Variants in NTN1 observed in about 807,000 individuals in gnomAD.
NTN1 encodes the protein netrin-1.
Under a neutral mutation model 54.2 loss-of-function variants are expected in NTN1, and 11 were observed. The ratio of observed to expected loss-of-function variants is 0.20; its 90% CI spans 0.13 to 0.34. The LOEUF is 0.34. NTN1 is among the 10% of genes least tolerant of loss of function. NTN1 has a pLI of 1.00. For synonymous variants in NTN1, 371 were observed against 382.0 expected (o/e 0.97, Z 0.33); for missense variants, 740 against 893.1 (o/e 0.83, Z 2.18).
intron 2 of NTN1, among the ~76,000 whole-genome samples, chr17:9,125,772 T>C (rs1251076577): frequency 1.3e-5 from 2 of 152,192 alleles, no homozygotes; most frequent in African/African-American, 4.8e-5. Flanking sequence ...TGCCCGGCTC[T>C]TTCATCTTTT....
At chr17:9,156,476 G>C (rs2092342601) in intron 2 of NTN1, among the ~76,000 whole-genome samples, 1 of 152,154 alleles carries the variant, frequency 6.6e-6, no homozygotes, top group Non-Finnish European at 1.5e-5. Context: ...CAGAGTCCCT[G>C]AGAGACATGG....
upstream of NTN1, among the ~76,000 whole-genome samples, chr17:9,017,723 T>A (rs1027350724): frequency 2.0e-5 from 3 of 152,226 alleles, no homozygotes; most frequent in African/African-American, 7.2e-5. Flanking sequence ...GTTTGCTCTG[T>A]GGATCCCGCT....
the NTN1 span, among the ~76,000 whole-genome samples, chr17:9,003,219 T>C: frequency 6.6e-6 from 1 of 151,806 alleles, no homozygotes; most frequent in Non-Finnish European, 1.5e-5. This position sits in a 1 kb window ranked among gnomAD's most constrained non-coding sequence, Gnocchi z 7.4. Context: ...CGGGAAGCTC[T>C]GGCTGGGGCT....
intron 2 of NTN1, among the ~76,000 whole-genome samples, chr17:9,040,417 A>C (rs2091917769): frequency 6.6e-6 from 1 of 152,206 alleles, no homozygotes; most frequent in African/African-American, 2.4e-5. Flanking sequence ...AGTGGGTATT[A>C]CAATGTATAG....
intron 2 of NTN1, among the ~76,000 whole-genome samples, chr17:9,035,746 G>A (rs910757547): frequency 6.6e-6 from 1 of 152,152 alleles, no homozygotes; most frequent in African/African-American, 2.4e-5. Context: ...AGAGGGTTGG[G>A]CATGGTGGAT....
intron 2 of NTN1, among the ~76,000 whole-genome samples, chr17:9,024,974 C>A (rs2091865320): frequency 6.6e-6 from 1 of 152,190 alleles, no homozygotes; most frequent in South Asian, 2.1e-4. Context: ...CCTCCTTCCT[C>A]TTTTCTTTTC....
At chr17:9,196,541 C>T (rs1227604847) in intron 5 of NTN1, among the ~76,000 whole-genome samples, 1 of 152,236 alleles carries the variant, frequency 6.6e-6, no homozygotes, top group Non-Finnish European at 1.5e-5. Flanking sequence ...CCACACAATG[C>T]AAGTCTCCTG....
chr17:9,191,147 A>G (rs1212785686), intron 5 of NTN1, among the ~76,000 whole-genome samples: 2 of 152,208 alleles, frequency 1.3e-5, no homozygotes, highest in African/African-American at 2.4e-5. Flanking sequence ...CAAAAAGCAT[A>G]AAAGGAAAGA....
the NTN1 span, among the ~76,000 whole-genome samples, chr17:9,012,147 C>A: frequency 6.6e-6 from 1 of 152,130 alleles, no homozygotes; most frequent in Non-Finnish European, 1.5e-5. Flanking sequence ...TCAAAGTCTG[C>A]AAGGCCCTGC....
intron 2 of NTN1, among the ~76,000 whole-genome samples, chr17:9,089,388 C>G (rs2092101252): frequency 6.7e-6 from 1 of 149,084 alleles, no homozygotes; most frequent in African/African-American, 2.5e-5. Context: ...GTACTCTAGC[C>G]TGGGCGGCAG....
At chr17:9,201,957 G>A (rs1301251591) in intron 5 of NTN1, among the ~76,000 whole-genome samples, 2 of 144,026 alleles carry the variant, frequency 1.4e-5, no homozygotes, top group African/African-American at 2.7e-5. Flanking sequence ...GGAGGCCAAG[G>A]CGGGCGAATC....
chr17:9,119,439 C>T lies in NTN1; in HGVS notation c.1019-43374C>T, dbSNP rs1447720444. 3.3e-5 allele frequency among the ~76,000 whole-genome samples: 5 copies of T among 152,028 alleles called. No homozygotes were observed. In the East Asian group the frequency reaches 7.8e-4, roughly 24 times the overall value. ...CTGACCTCAGGTGATCCACCTGCCT[C>T]GGCCTCCCAAAGTGCTGGGATTACA... On this transcript the variant is annotated intron_variant, in intron 2 of 6. Transcript: ENST00000173229.
intron 5 of NTN1, among the ~76,000 whole-genome samples, chr17:9,209,109 C>G (rs1195990632): frequency 6.6e-6 from 1 of 152,260 alleles, no homozygotes; most frequent in African/African-American, 2.4e-5. Flanking sequence ...CTGACCTCCC[C>G]TTACCCATCT....
chr17:9,192,778 G>A (rs900938573), intron 5 of NTN1, among the ~76,000 whole-genome samples: 2 of 152,124 alleles, frequency 1.3e-5, no homozygotes, highest in African/African-American at 4.8e-5. Context: ...TGCAGCTGAC[G>A]GTTTAGAAAG....
chr17:9,221,147 T>TCTCCC lies in NTN1; in HGVS notation c.1412-20_1412-19insTCCCC. 1.5e-6 allele frequency: 2 copies of TCTCCC among 1,303,814 alleles called. No individual in the cohort carries two copies. The highest frequency in any genetic ancestry group is 2.1e-5 in the Admixed American group (1 of 47,744). The allele number at this position is 1,303,814 out of a possible 1,614,324, so 80.8% of individuals were successfully genotyped here. A position where few individuals can be genotyped will look rare whatever the true frequency, so the allele number is the denominator to read the frequency against. On this transcript the variant is annotated intron_variant, in intron 5 of 6. Transcript: ENST00000173229. This position sits in a 1 kb window ranked among gnomAD's most constrained non-coding sequence, Gnocchi z 4.5. ...CAGCCTAATTAGTTTTTGTCTGTGC[T>TCTCCC]CCCCCCCCACCCCCCTGCAGACTGC...
chr17:9,193,931 A>AAAAAAACAAAACAAAAAC (rs1555574981), intron 5 of NTN1, among the ~76,000 whole-genome samples: 1 of 123,398 alleles, frequency 8.1e-6, no homozygotes, highest in African/African-American at 3.7e-5. Context: ...AAAAAAAAAA[A>AAAAAAACAAAACAAAAAC]AAAAAAAAAA....
In NTN1 at chr17:9,056,181, C is replaced by T. The variant is rs552536717; in HGVS notation, c.1018+32790C>T. ...AAGCAATTCTCCTGCCTCAGCCTCCCGAGTAGCTGGGATTACAGGCATGTG... is the reference window on the plus strand; with the variant it reads ...AAGCAATTCTCCTGCCTCAGCCTCCTGAGTAGCTGGGATTACAGGCATGTG... On this transcript the variant is annotated intron_variant, in intron 2 of 6. Transcript: ENST00000173229. Among the ~76,000 whole-genome samples, 8 of 152,242 alleles carry T rather than the reference C, an allele frequency of 5.3e-5. No homozygotes were observed. In the South Asian group the frequency reaches 1.7e-3, roughly 32 times the overall value.
Position 9,239,106 on chromosome 17 carries a change from C to T in NTN1, c.1487-534C>T, listed in dbSNP as rs1906096353. On this transcript the variant is annotated intron_variant, in intron 6 of 6. Transcript: ENST00000173229. This position sits in a 1 kb window ranked among gnomAD's most constrained non-coding sequence, Gnocchi z 5.2. ...GGTTCCCGGGGCTCTGGAAAAGGCA[C>T]TACGGCCACCCCAAAGGGTGGGTTC... 6.6e-6 allele frequency among the ~76,000 whole-genome samples: 1 copy of T among 152,206 alleles called. No individual in the cohort carries two copies. Among genetic ancestry groups the T allele is most frequent in the African/African-American group, 2.4e-5 (1 of 41,434 alleles).
intron 5 of NTN1, among the ~76,000 whole-genome samples, chr17:9,215,880 G>A (rs183814675): frequency 3.3e-5 from 5 of 152,248 alleles, no homozygotes; most frequent in South Asian, 2.1e-4. Context: ...TCTAAATTTT[G>A]TAAGAGTTTC....
Sources: gnomAD v4.1 joint callset for allele counts (sites outside exome capture counted in the v4.1 genomes callset) on GRCh38, gnomAD v4.1.1 for gene constraint, Gnocchi (gnomAD v3.1) non-coding constraint, MANE v1.5 for transcripts, NCBI Gene and HGNC (gene_info 2026-07-23, HGNC 2026-07-21) for gene names.